Variants in TECR observed in about 807,000 individuals in gnomAD.
The protein encoded by TECR is trans-2,3-enoyl-CoA reductase, also known as very-long-chain enoyl-CoA reductase.
TECR carries 19 observed loss-of-function variants against 50.6 expected under a neutral mutation model. The observed-to-expected ratio is 0.38, with a 90% CI of 0.26 to 0.55. TECR has a LOEUF of 0.55. TECR is among the 20% of genes least tolerant of loss of function. The pLI is 0.79. For synonymous variants in TECR, 168 were observed against 163.5 expected, an observed-to-expected ratio of 1.03 and a Z score of -0.21; for missense variants, 313 against 408.3, an observed-to-expected ratio of 0.77 and a Z score of 2.01.
At chr19:14,529,824 C>T (rs1568389117) in intron 1 of TECR, 113 bp downstream of exon 1, 7 of 1,495,640 alleles carry the variant, frequency 4.7e-6, no homozygotes, top group Admixed American at 3.6e-5. Flanking sequence ...AAGAGCCAGA[C>T]GGCGCAGGCG....
rs1055770582 is a variant in TECR at position 14,559,509 on chromosome 19, C to T, written c.16-3016C>T. On this transcript the variant is annotated intron_variant, in intron 1 of 12. Coordinates refer to ENST00000215567, the MANE Select transcript of TECR (RefSeq NM_138501.6). ...TTCTTACTTAGAAATAATTATAGGC[C>T]GGGCCAGGTGGCTCACGCCTATAAT... Among the ~76,000 whole-genome samples, 11 of 151,850 alleles carry T rather than the reference C, an allele frequency of 7.2e-5. No individual in the cohort carries two copies. The South Asian group carries it at 1.2e-3, about 17-fold the overall frequency.
chr19:14,547,963 C>CTTTTT, intron 1 of TECR, among the ~76,000 whole-genome samples: 1 of 125,678 alleles, frequency 8.0e-6, no homozygotes, highest in Non-Finnish European at 1.7e-5. Context: ...ATGGGCATTT[C>CTTTTT]TTTTTTTTTT....
intron 1 of TECR, among the ~76,000 whole-genome samples, chr19:14,539,303 A>G (rs1364482864): frequency 2.0e-5 from 3 of 151,908 alleles, no homozygotes; most frequent in Admixed American, 6.6e-5. Context: ...TGCAAGTCAC[A>G]TTTTGAGATG....
intron 1 of TECR, among the ~76,000 whole-genome samples, chr19:14,538,037 CGCCG>C (rs1450334853): frequency 6.6e-6 from 1 of 152,118 alleles, no homozygotes; most frequent in Non-Finnish European, 1.5e-5. Flanking sequence ...TGAGCCACTG[CGCCG>C]GCAGTGTGAG....
chr19:14,543,422 T>A (rs1489794510), intron 1 of TECR, among the ~76,000 whole-genome samples: 8 of 6,466 alleles, frequency 1.2e-3, no homozygotes, highest in African/African-American at 1.7e-3. Context: ...TATATATATT[T>A]TTTTTTTTTT....
At chr19:14,543,462 G>A (rs1455254987) in intron 1 of TECR, among the ~76,000 whole-genome samples, 4 of 63,146 alleles carry the variant, frequency 6.3e-5, no homozygotes, top group Admixed American at 2.4e-4. Flanking sequence ...TTTTTGAGAC[G>A]GAGTCTCGCT....
intron 1 of TECR, among the ~76,000 whole-genome samples, chr19:14,553,445 G>A (rs548832391): frequency 5.1e-4 from 77 of 152,210 alleles, no homozygotes; most frequent in Non-Finnish European, 7.1e-4. Context: ...GTGGCGCCTC[G>A]GGGAGGCTGG....
Position 14,563,961 on chromosome 19 carries a change from C to G in TECR, c.268-21C>G. The G allele has an allele frequency of 1.9e-6, 3 of 1,613,952 alleles. No homozygotes were observed. The South Asian group carries it at 3.3e-5, about 18-fold the overall frequency. On this transcript the variant is annotated intron_variant, in intron 5 of 12. Coordinates refer to ENST00000215567, the MANE Select transcript of TECR (RefSeq NM_138501.6). The surrounding 1 kb of genome is among the most constrained non-coding windows in gnomAD (Gnocchi z 5.3). ...CCGTCAGCCACGTTGGGTGACTCAT[C>G]TTGCCCCCCTCTACTCTCAGGTCTT...
chr19:14,545,608 T>C (rs1599446712), intron 1 of TECR: 1 of 197,238 alleles, frequency 5.1e-6, no homozygotes, highest in Non-Finnish European at 1.1e-5. Flanking sequence ...CTGCCATTCA[T>C]CACTGAGCCC....
chr19:14,563,285 C>T lies in TECR; in HGVS notation c.118+28C>T. Reference sequence around the variant, plus strand: ...GAGTTCTAGTCCCGGCCACACTGCCCCTGCAACCCCTTTGACCAGGGACCT... The same window carrying T: ...GAGTTCTAGTCCCGGCCACACTGCCTCTGCAACCCCTTTGACCAGGGACCT... On this transcript the variant is annotated intron_variant, in intron 3 of 12. Coordinates refer to ENST00000215567, the MANE Select transcript of TECR (RefSeq NM_138501.6). This position sits in a 1 kb window ranked among gnomAD's most constrained non-coding sequence, Gnocchi z 5.3. 1 of 1,588,906 alleles carries T rather than the reference C, an allele frequency of 6.3e-7. No individual in the cohort carries two copies. The highest frequency in any genetic ancestry group is 2.2e-5 in the East Asian group (1 of 44,722).
intron 1 of TECR, among the ~76,000 whole-genome samples, chr19:14,543,952 G>T (rs1676059585): frequency 6.6e-6 from 1 of 150,596 alleles, no homozygotes; most frequent in South Asian, 2.1e-4. Context: ...TGGCCAGGCA[G>T]GTCTCGAACT....
chr19:14,564,930 C>A lies in TECR; in HGVS notation c.563-19C>A. 14 of 1,614,138 alleles carry A rather than the reference C, an allele frequency of 8.7e-6. No individual in the cohort carries two copies. Among genetic ancestry groups the A allele is most frequent in the Non-Finnish European group, 1.2e-5 (14 of 1,180,044 alleles). ...GCGGGTCCTCCCCTCATGGGCTCCC[C>A]TCCCTGCTTCCTCTTCAGCCTACGG... On this transcript the variant is annotated intron_variant, in intron 8 of 12. Coordinates refer to ENST00000215567, the MANE Select transcript of TECR (RefSeq NM_138501.6).
At chr19:14,547,362 TTTATTTTA>T (rs2073342842) in intron 1 of TECR, among the ~76,000 whole-genome samples, 1 of 135,070 alleles carries the variant, frequency 7.4e-6, no homozygotes, top group Non-Finnish European at 1.7e-5. Flanking sequence ...TTTATTTTAT[TTTATTTTA>T]TGTTTTTTGA....
rs1383859769 is a variant in TECR, at chr19:14,542,366, T to G, written c.15+12655T>G. Among the ~76,000 whole-genome samples the G allele has an allele frequency of 1.1e-4, 15 of 130,948 alleles. 1 individual carries two copies. Among genetic ancestry groups the G allele is most frequent in the African/African-American group, 4.4e-4 (15 of 34,030 alleles). 85.9% of individuals were successfully genotyped at this position (130,948 alleles called of 152,430 possible). ...CATAGTGTTTTTTTTTTTTTTTTTT[T>G]TTTTTTTTTTCTGAGATGGAGTTTC... On this transcript the variant is annotated intron_variant, in intron 1 of 12. Coordinates refer to ENST00000215567, the MANE Select transcript of TECR (RefSeq NM_138501.6).
intron 1 of TECR, among the ~76,000 whole-genome samples, chr19:14,543,960 ACTC>A (rs1421449083): frequency 7.1e-6 from 1 of 141,158 alleles, no homozygotes; most frequent in Non-Finnish European, 1.5e-5. Context: ...CAGGTCTCGA[ACTC>A]CTGACCTCAA....
chr19:14,547,864 G>A (rs2073357891), intron 1 of TECR, among the ~76,000 whole-genome samples: 1 of 150,066 alleles, frequency 6.7e-6, no homozygotes, highest in South Asian at 2.1e-4. Context: ...GTCTTGCGAT[G>A]TTGCCCAGGT....
At chr19:14,559,805 T>C (rs1277214227) in intron 1 of TECR, among the ~76,000 whole-genome samples, 1 of 149,980 alleles carries the variant, frequency 6.7e-6, no homozygotes, top group Non-Finnish European at 1.5e-5. Flanking sequence ...AAAAAAATTA[T>C]AGAGACACAG....
At chr19:14,551,946 C>CCTCTCT (rs71166756) in intron 1 of TECR, among the ~76,000 whole-genome samples, 23 of 71,250 alleles carry the variant, frequency 3.2e-4, no homozygotes, top group African/African-American at 9.2e-4. Flanking sequence ...TCCCTCCCTC[C>CCTCTCT]CTCTCTCTCT....
rs372535209 is a variant in TECR, at chr19:14,529,681, G to A, written c.-16G>A. On this transcript the variant is annotated 5_prime_UTR_variant, in exon 1 of 13. Coordinates refer to ENST00000215567, the MANE Select transcript of TECR (RefSeq NM_138501.6). ...CAGCAGCAGCCGCGGAGCAGTAGCC[G>A]CCGTGGGAGGGAGCCATGAAGCATT... The A allele has an allele frequency of 2.5e-6, 4 of 1,613,854 alleles. No homozygotes were observed. Among genetic ancestry groups the A allele is most frequent in the Non-Finnish European group, 2.5e-6 (3 of 1,180,048 alleles).
Sources: allele counts gnomAD v4.1 joint callset (sites outside exome capture counted in the v4.1 genomes callset), GRCh38; gene constraint gnomAD v4.1.1; non-coding constraint Gnocchi (gnomAD v3.1); transcripts MANE v1.5; gene names NCBI Gene and HGNC (gene_info 2026-07-23, HGNC 2026-07-21).